Variants in TNFRSF8 observed in about 807,000 individuals in gnomAD.
TNFRSF8 encodes tumor necrosis factor receptor superfamily member 8.
In TNFRSF8, 26 loss-of-function variants were observed where a neutral mutation model predicts 70.8. That is an observed-to-expected ratio of 0.37 (90% CI 0.27 to 0.51). The LOEUF (loss-of-function observed/expected upper bound fraction) is 0.51, where lower values mean the gene tolerates loss of function less well. Ranked by LOEUF, TNFRSF8 falls within the 20% of genes least tolerant of loss-of-function variation. TNFRSF8 has a pLI of 0.94. For missense variants in TNFRSF8, 720 were observed against 807.9 expected, an observed-to-expected ratio of 0.89 and a Z score of 1.32; for synonymous variants, 356 against 339.2, an observed-to-expected ratio of 1.05 and a Z score of -0.54.
chr1:12,106,288 C>A (rs554224707), intron 4 of TNFRSF8, among the ~76,000 whole-genome samples: 9 of 152,238 alleles, frequency 5.9e-5, no homozygotes, highest in African/African-American at 9.6e-5. Flanking sequence ...GCCCTCTGCA[C>A]GTGCTGTTCT....
At chr1:12,073,933 C>T (rs1360383329) in intron 1 of TNFRSF8, among the ~76,000 whole-genome samples, 7 of 151,756 alleles carry the variant, frequency 4.6e-5, no homozygotes, top group African/African-American at 9.7e-5. Context: ...TGTCCCGTGG[C>T]GGCTGTTGCT....
chr1:12,138,343 C>G lies in TNFRSF8; in HGVS notation c.1450C>G (p.Pro484Ala), dbSNP rs1642188387. The change falls in exon 14 of 15, where the codon CCG becomes GCG. Residue 484 changes from proline (P) to alanine (A), a missense_variant. Coordinates refer to ENST00000263932, the MANE Select transcript of TNFRSF8 (RefSeq NM_001243.5). The surrounding 1 kb of genome is among the most constrained non-coding windows in gnomAD (Gnocchi z 5.7). ...GGGGGCAGCCTACCTGGAGAGCCTG[C>G]CGCTGCAGGATGCCAGCCCGGCCGG... ...SVGAAYLESL[P>A]LQDASPAGGP... 1 of 1,613,620 alleles carries G rather than the reference C, an allele frequency of 6.2e-7. No individual in the cohort carries two copies. The highest frequency in any genetic ancestry group is 1.3e-5 in the African/African-American group (1 of 74,924).
At position 12,110,880 on chromosome 1, in the gene TNFRSF8, C is replaced by G. The variant is rs1345349008; in HGVS notation, c.676+676C>G. Reference sequence around the variant, plus strand: ...CCCAAAGTGCTGGGAGGATTACAGGCGTGAGCCACCGCGCCCAACCTAGTC... The same window carrying G: ...CCCAAAGTGCTGGGAGGATTACAGGGGTGAGCCACCGCGCCCAACCTAGTC... On this transcript the variant is annotated intron_variant, in intron 6 of 14. Transcript: ENST00000263932. The surrounding 1 kb of genome is among the most constrained non-coding windows in gnomAD (Gnocchi z 4.0). Among the ~76,000 whole-genome samples the G allele has an allele frequency of 6.6e-6, 1 of 152,170 alleles. No homozygotes were observed. Among genetic ancestry groups the G allele is most frequent in the Non-Finnish European group, 1.5e-5 (1 of 68,026 alleles).
chr1:12,133,816 G>A (rs1642096936), intron 12 of TNFRSF8, among the ~76,000 whole-genome samples: 1 of 151,632 alleles, frequency 6.6e-6, no homozygotes, highest in Non-Finnish European at 1.5e-5. Flanking sequence ...ACTTCGAGAG[G>A]CCGAGGCGGG....
chr1:12,112,104 G>T lies in TNFRSF8; in HGVS notation c.793+90G>T, dbSNP rs1641644216. ...AGTAACTACTCCCCCTTATGTTTGT[G>T]GGTTTTTGATGGGGGTCGCCTCTTT... On this transcript the variant is annotated intron_variant, in intron 7 of 14. Coordinates refer to ENST00000263932, the MANE Select transcript of TNFRSF8 (RefSeq NM_001243.5). This position sits in a 1 kb window ranked among gnomAD's most constrained non-coding sequence, Gnocchi z 5.3. 3.2e-6 allele frequency: 3 copies of T among 950,464 alleles called. No individual in the cohort carries two copies. The South Asian group carries it at 4.6e-5, about 15-fold the overall frequency. The allele number at this position is 950,464 out of a possible 1,614,324, so 58.9% of individuals were successfully genotyped here.
In TNFRSF8 at chr1:12,142,267, C is replaced by T. The variant is rs185597531; in HGVS notation, c.1544-20C>T. The T allele has an allele frequency of 1.7e-4, 269 of 1,565,682 alleles. No homozygotes were observed. The African/African-American group carries it at 3.3e-3, about 19-fold the overall frequency. ...CTGGTGCTCTGGCCTCCCTCGCTCA[C>T]CCATCCTTTTGCCTTGCAGAGAAAA... is the stretch of plus-strand genomic sequence containing the variant. On this transcript the variant is annotated intron_variant, in intron 14 of 14. Transcript: ENST00000263932. This position sits in a 1 kb window ranked among gnomAD's most constrained non-coding sequence, Gnocchi z 5.0.
rs774032136 is a variant in TNFRSF8 at position 12,125,958 on chromosome 1, G to A, written c.1161G>A (p.Val387=). 6 of 1,614,078 alleles carry A rather than the reference G, an allele frequency of 3.7e-6. No homozygotes were observed. Among genetic ancestry groups the A allele is most frequent in the Non-Finnish European group, 5.1e-6 (6 of 1,179,940 alleles). ...GGCGTCTCTGTGTTCCAGGGCCAGT[G>A]CTCTTCTGGGTGATCCTGGTGTTGG... ...TGKPVLDAGP[V]LFWVILVLVV... The change falls in exon 11 of 15, where the codon GTG becomes GTA. Residue 387 remains valine, a synonymous_variant. Coordinates refer to ENST00000263932, the MANE Select transcript of TNFRSF8 (RefSeq NM_001243.5).
At position 12,142,720 on chromosome 1, in the gene TNFRSF8, C is replaced by A; in HGVS notation, c.*189C>A. 1.4e-6 allele frequency: 1 copy of A among 731,612 alleles called. No homozygotes were observed. Among genetic ancestry groups the A allele is most frequent in the Non-Finnish European group, 2.2e-6 (1 of 460,542 alleles). The allele number at this position is 731,612 out of a possible 1,614,324, so 45.3% of individuals were successfully genotyped here. On this transcript the variant is annotated 3_prime_UTR_variant, in exon 15 of 15. Coordinates refer to ENST00000263932, the MANE Select transcript of TNFRSF8 (RefSeq NM_001243.5). The surrounding 1 kb of genome is among the most constrained non-coding windows in gnomAD (Gnocchi z 5.0). Reference sequence around the variant, plus strand: ...GCTTGCATCCCCAACTTAGCTGTCCCCTGACCCAGAGCCTAGGGGATCCGG... The same window carrying A: ...GCTTGCATCCCCAACTTAGCTGTCCACTGACCCAGAGCCTAGGGGATCCGG...
rs2101054093 is a variant in TNFRSF8, at chr1:12,142,145, G to A, written c.1544-142G>A. On this transcript the variant is annotated intron_variant, in intron 14 of 14. Coordinates refer to ENST00000263932, the MANE Select transcript of TNFRSF8 (RefSeq NM_001243.5). The surrounding 1 kb of genome is among the most constrained non-coding windows in gnomAD (Gnocchi z 5.0). ...CTCTGAGCCCCCAGGATGCCTGTAA[G>A]GTACATCAGAGAGGCTGTGCCATCA... 1 of 1,202,856 alleles carries A rather than the reference G, an allele frequency of 8.3e-7. No individual in the cohort carries two copies. The highest frequency in any genetic ancestry group is 1.1e-6 in the Non-Finnish European group (1 of 876,892). 74.5% of individuals were successfully genotyped at this position (1,202,856 alleles called of 1,614,324 possible).
rs574972532 is a variant in TNFRSF8 at position 12,134,082 on chromosome 1, C to T, written c.1310-1506C>T. Among the ~76,000 whole-genome samples, 8 of 152,276 alleles carry T rather than the reference C, an allele frequency of 5.3e-5. No individual in the cohort carries two copies. In the South Asian group the frequency reaches 1.5e-3, roughly 28 times the overall value. ...CCCCTAAGAGTGTTTCCCAAACTCA[C>T]CTAGTGTCCACACAGCGTGTTCAAA... On this transcript the variant is annotated intron_variant, in intron 12 of 14. Coordinates refer to ENST00000263932, the MANE Select transcript of TNFRSF8 (RefSeq NM_001243.5).
At chr1:12,124,564 C>T (rs1641896077) in intron 10 of TNFRSF8, among the ~76,000 whole-genome samples, 1 of 152,170 alleles carries the variant, frequency 6.6e-6, no homozygotes, top group Non-Finnish European at 1.5e-5. Flanking sequence ...TGGCTCACGC[C>T]TGTAATCCCA....
rs1641695023 is a variant in TNFRSF8 at position 12,114,692 on chromosome 1, ATCTTT to A, written c.794-883_794-879del. On this transcript the variant is annotated intron_variant, in intron 7 of 14. Transcript: ENST00000263932. Reference sequence around the variant, plus strand: ...TTTTTTTGCTTTTGGAGGAAAAAAAATCTTTTTTTTTTTTTTTTTTTTTTTTTTTT... The same window carrying A: ...TTTTTTTGCTTTTGGAGGAAAAAAAATTTTTTTTTTTTTTTTTTTTTTTTT... Among the ~76,000 whole-genome samples the A allele has an allele frequency of 4.6e-5, 3 of 64,788 alleles. No individual in the cohort carries two copies. The Admixed American group carries it at 5.8e-4, about 13-fold the overall frequency. The allele number at this position is 64,788 out of a possible 152,430, so 42.5% of individuals were successfully genotyped here.
intron 1 of TNFRSF8, among the ~76,000 whole-genome samples, chr1:12,066,798 GC>G (rs1164050844): frequency 2.6e-5 from 4 of 151,386 alleles, no homozygotes; most frequent in Non-Finnish European, 5.9e-5. Context: ...GATTATAGGT[GC>G]CTGCCACCTC....
rs1342385880 is a variant in TNFRSF8, at chr1:12,138,054, GC to G, written c.1336-174del. Among the ~76,000 whole-genome samples, 9 of 152,050 alleles carry G rather than the reference GC, an allele frequency of 5.9e-5. No individual in the cohort carries two copies. The highest frequency in any genetic ancestry group is 1.5e-5 in the Non-Finnish European group (1 of 67,996). ...CCCTACTATTTAGTACAAATTAAAA[GC>G]AACAGACTTCACCCAGAAAGCTGAG... is the stretch of plus-strand genomic sequence containing the variant. On this transcript the variant is annotated intron_variant, in intron 13 of 14. Coordinates refer to ENST00000263932, the MANE Select transcript of TNFRSF8 (RefSeq NM_001243.5). The surrounding 1 kb of genome is among the most constrained non-coding windows in gnomAD (Gnocchi z 5.7).
At chr1:12,102,022 G>C (rs550836313) in intron 3 of TNFRSF8, among the ~76,000 whole-genome samples, 82 of 152,288 alleles carry the variant, frequency 5.4e-4, no homozygotes, top group Non-Finnish European at 8.7e-4. Flanking sequence ...ATCCATTGTT[G>C]ACTGAAATGT....
Position 12,109,492 on chromosome 1 carries a change from G to A in TNFRSF8, c.422-74G>A. ...GCCCCATCTCCGACTCTGGCCTGTG[G>A]TAGTGAAGGGTGTATTCCGGGAGAC... On this transcript the variant is annotated intron_variant, in intron 4 of 14. Coordinates refer to ENST00000263932, the MANE Select transcript of TNFRSF8 (RefSeq NM_001243.5). The surrounding 1 kb of genome is among the most constrained non-coding windows in gnomAD (Gnocchi z 4.4). 2.4e-6 allele frequency: 3 copies of A among 1,260,422 alleles called. No homozygotes were observed. Among genetic ancestry groups the A allele is most frequent in the Non-Finnish European group, 3.4e-6 (3 of 877,306 alleles). 78.1% of individuals were successfully genotyped at this position (1,260,422 alleles called of 1,614,324 possible). A position where few individuals can be genotyped will look rare whatever the true frequency, so the allele number is the denominator to read the frequency against.
chr1:12,080,257 C>T, intron 1 of TNFRSF8: 1 of 519,174 alleles, frequency 1.9e-6, no homozygotes, highest in Non-Finnish European at 3.8e-6. Context: ...CCAAGATGAT[C>T]CCAGTTTTGT....
chr1:12,077,772 G>A (rs1016631681), intron 1 of TNFRSF8: 5 of 152,374 alleles, frequency 3.3e-5, no homozygotes, highest in African/African-American at 1.2e-4. Flanking sequence ...TGCCCGTGGG[G>A]TGCCAGTGGC....
At chr1:12,135,745 C>T (rs1270881462) in intron 13 of TNFRSF8, 132 bp downstream of exon 13, 5 of 1,303,406 alleles carry the variant, frequency 3.8e-6, no homozygotes, top group Admixed American at 2.1e-5. Flanking sequence ...TCCCCTCCCA[C>T]AGTGCCCAGG....
Sources: gnomAD v4.1 joint callset for allele counts (sites outside exome capture counted in the v4.1 genomes callset) on GRCh38, gnomAD v4.1.1 for gene constraint, Gnocchi (gnomAD v3.1) non-coding constraint, MANE v1.5 for transcripts, NCBI Gene and HGNC (gene_info 2026-07-23, HGNC 2026-07-21) for gene names.